Variants in TAGLN2 observed in about 807,000 individuals in gnomAD.
TAGLN2 encodes the protein transgelin-2.
TAGLN2 carries 14 observed loss-of-function variants against 24.9 expected under a neutral mutation model. The ratio of observed to expected loss-of-function variants is 0.56; its 90% CI spans 0.37 to 0.88. TAGLN2 has a LOEUF of 0.88. TAGLN2 is among the 40% of genes least tolerant of loss of function. TAGLN2 has a pLI of 0.00. For synonymous variants in TAGLN2, 77 were observed against 98.2 expected (o/e 0.78, Z 1.28); for missense variants, 208 against 258.9 (o/e 0.80, Z 1.35).
At chr1:159,919,895 T>C in intron 2 of TAGLN2, 60 bp from the exon 3 acceptor site, 1 of 1,575,144 alleles carries the variant, frequency 6.3e-7, no homozygotes, top group South Asian at 1.1e-5. Flanking sequence ...CAGCTCAGCG[T>C]GCACCACCCT....
Position 159,920,534 on chromosome 1 carries a change from G to A in TAGLN2, c.-25C>T, listed in dbSNP as rs1346509378. ...TTCCAATGGGTGGCGGTGGCTGCGG[G>A]GAGCTAGGGAGAGGACACACCCGGG... On this transcript the variant is annotated 5_prime_UTR_variant, in exon 2 of 5. Transcript: ENST00000368097. The A allele has an allele frequency of 6.2e-7, 1 of 1,612,670 alleles. No individual in the cohort carries two copies. Among genetic ancestry groups the A allele is most frequent in the African/African-American group, 1.3e-5 (1 of 75,026 alleles).
In TAGLN2 at chr1:159,918,902, C is replaced by G; in HGVS notation, c.498G>C (p.Gln166His). Residue 166 changes from glutamine (Q) to histidine (H), a missense_variant, in exon 5 of 5, where the codon CAG becomes CAC. Physicochemically the swap from Gln to His is conservative, Grantham distance 24 (BLOSUM62 0). Transcript: ENST00000368097. ...CGATCACGTTCTTGCCCTCTTGCAGCTGGTTATCCGAGAAGTTCCGAGGAT... is the reference window on the plus strand; with the variant it reads ...CGATCACGTTCTTGCCCTCTTGCAGGTGGTTATCCGAGAAGTTCCGAGGAT... ...KENPRNFSDN[Q>H]LQEGKNVIGL... 1 of 1,614,244 alleles carries G rather than the reference C, an allele frequency of 6.2e-7. No individual in the cohort carries two copies. The highest frequency in any genetic ancestry group is 8.5e-7 in the Non-Finnish European group (1 of 1,180,042).
intron 1 of TAGLN2, chr1:159,923,383 G>T: frequency 1.3e-6 from 2 of 1,540,186 alleles, no homozygotes; most frequent in Non-Finnish European, 1.8e-6. Context: ...GGGAAACGGG[G>T]AGGGGCCACG....
intron 1 of TAGLN2, among the ~76,000 whole-genome samples, chr1:159,921,771 T>G (rs146108755): frequency 6.6e-6 from 1 of 152,182 alleles, no homozygotes; most frequent in African/African-American, 2.4e-5. Context: ...ATGGCCTGAG[T>G]TGGCGGACCT....
chr1:159,923,692 C>G, intron 1 of TAGLN2: 4 of 463,122 alleles, frequency 8.6e-6, no homozygotes, highest in South Asian at 3.7e-5. Context: ...TTAAGGGAAC[C>G]ACCGTAGGGC....
chr1:159,919,223 G>T (rs1278291918), intron 4 of TAGLN2, 51 bp downstream of exon 4: 3 of 1,543,634 alleles, frequency 1.9e-6, no homozygotes, highest in Non-Finnish European at 2.7e-6. Flanking sequence ...GACAGGATTG[G>T]GCAGAAACAA....
chr1:159,923,777 T>C, intron 1 of TAGLN2: 1 of 331,002 alleles, frequency 3.0e-6, no homozygotes, highest in Non-Finnish European at 5.5e-6. Context: ...AAAGCTTGCG[T>C]GGGAGGAGGG....
chr1:159,921,044 T>C (rs552936880), intron 1 of TAGLN2, among the ~76,000 whole-genome samples: 47 of 152,312 alleles, frequency 3.1e-4, no homozygotes, highest in Non-Finnish European at 2.5e-4. Context: ...CTGGGAAGGC[T>C]TTCTGGAAGA....
chr1:159,923,888 G>A (rs1374264357), intron 1 of TAGLN2, among the ~76,000 whole-genome samples: 1 of 152,224 alleles, frequency 6.6e-6, no homozygotes, highest in African/African-American at 2.4e-5. Context: ...AGACGTTGTG[G>A]TGAGCAGGCT....
At chr1:159,920,147 C>T (rs1650480906) in intron 2 of TAGLN2, 183 bp downstream of exon 2, 2 of 994,700 alleles carry the variant, frequency 2.0e-6, no homozygotes, top group Non-Finnish European at 3.1e-6. Flanking sequence ...CCTTACCCTC[C>T]ACTCCACGGG....
chr1:159,919,025 G>T, intron 4 of TAGLN2, 84 bp from the exon 5 acceptor site: 2 of 1,575,104 alleles, frequency 1.3e-6, no homozygotes, highest in Non-Finnish European at 1.7e-6. Context: ...AGGCTTTGCT[G>T]TTGGCTCAAG....
At chr1:159,923,759 G>A in intron 1 of TAGLN2, 1 of 368,736 alleles carries the variant, frequency 2.7e-6, no homozygotes, top group Non-Finnish European at 4.9e-6. Context: ...ACACAAACAG[G>A]AAGCTCCAAA....
intron 1 of TAGLN2, among the ~76,000 whole-genome samples, chr1:159,921,124 A>G (rs138468485): frequency 5.8e-4 from 88 of 152,350 alleles, no homozygotes; most frequent in Non-Finnish European, 1.1e-3. Flanking sequence ...ACCAGGCAAT[A>G]AAAACAAATT....
At chr1:159,924,078 C>G (rs928853333) in intron 1 of TAGLN2, among the ~76,000 whole-genome samples, 23 of 152,068 alleles carry the variant, frequency 1.5e-4, no homozygotes, top group Non-Finnish European at 2.9e-4. Flanking sequence ...AAGAAATCCC[C>G]TGGGAAGGGA....
Position 159,919,739 on chromosome 1 carries a change from T to C in TAGLN2, c.277A>G (p.Ile93Val). 6.2e-7 allele frequency: 1 copy of C among 1,613,964 alleles called. No individual in the cohort carries two copies. ...STMAFKQMEQ[I>V]SQFLQAAERY... ...TCAGCTGCTTGCAGGAACTGAGAGA[T>C]CTGCTCCATCTGCTTGAAGGCCATG... The change falls in exon 3 of 5, where the codon ATC becomes GTC. Residue 93 changes from isoleucine to valine, a missense_variant. Physicochemically the swap from Ile to Val is conservative, Grantham distance 29. Transcript: ENST00000368097.
intron 3 of TAGLN2, 122 bp downstream of exon 3, chr1:159,919,539 C>T: frequency 7.3e-7 from 1 of 1,373,782 alleles, no homozygotes. Flanking sequence ...CTCCATGGAA[C>T]ACAAACACAC....
intron 1 of TAGLN2, among the ~76,000 whole-genome samples, chr1:159,922,902 C>T (rs1409945633): frequency 6.6e-6 from 1 of 152,234 alleles, no homozygotes; most frequent in Non-Finnish European, 1.5e-5. Context: ...ACGCTGGGGC[C>T]TGGACACAGC....
At chr1:159,919,891 A>C in intron 2 of TAGLN2, 56 bp from the exon 3 acceptor site, 6 of 1,578,680 alleles carry the variant, frequency 3.8e-6, no homozygotes, top group Non-Finnish European at 4.3e-6. Flanking sequence ...ATCGCAGCTC[A>C]GCGTGCACCA....
In TAGLN2 at chr1:159,918,298, A is replaced by G. The variant is rs1181654327; in HGVS notation, c.*502T>C. On this transcript the variant is annotated 3_prime_UTR_variant, in exon 5 of 5. Transcript: ENST00000368097. The stretch of plus-strand genomic sequence containing the variant: ...CCCCAGATGTGTGGTGAGCACAGTC[A>G]GTGCAGCTGTGGCTGGGGCAGCAGC... 2 of 153,060 alleles carry G rather than the reference A, an allele frequency of 1.3e-5. No homozygotes were observed. The highest frequency in any genetic ancestry group is 1.3e-4 in the Admixed American group (2 of 15,382). 9.5% of individuals were successfully genotyped at this position (153,060 alleles called of 1,614,324 possible). A position where few individuals can be genotyped will look rare whatever the true frequency, so the allele number is the denominator to read the frequency against.
Sources: allele counts gnomAD v4.1 joint callset (sites outside exome capture counted in the v4.1 genomes callset), GRCh38; gene constraint gnomAD v4.1.1; transcripts MANE v1.5; gene names NCBI Gene and HGNC (gene_info 2026-07-23, HGNC 2026-07-21).